NEDD9: variants seen among roughly 807,000 people sequenced by gnomAD.
NEDD9 encodes the protein neural precursor cell expressed, developmentally down-regulated 9.
NEDD9 carries 26 observed loss-of-function variants against 76.6 expected under a neutral mutation model. The observed-to-expected ratio is 0.34, with a 90% CI of 0.25 to 0.47. NEDD9 has a LOEUF of 0.47. NEDD9 is among the 20% of genes least tolerant of loss of function. The pLI is 1.00. For synonymous variants in NEDD9, 392 were observed against 414.2 expected (o/e 0.95, Z 0.65); for missense variants, 937 against 1,058.5 (o/e 0.89, Z 1.59).
chr6:11,213,600 GAGCAC>G lies in NEDD9; in HGVS notation c.135_139del (p.Cys46IlefsTer105). ...GACAATGCCTTGCCGACCGTGTAAT[GAGCAC>G]AGCCACCATCCTTCCAGTCCCCCTG... On this transcript the variant is annotated frameshift_variant, in exon 2 of 7. Transcript: ENST00000379446. LOFTEE classifies it high-confidence loss of function. The surrounding 1 kb of genome is among the most constrained non-coding windows in gnomAD (Gnocchi z 5.4). The G allele has an allele frequency of 6.2e-7, 1 of 1,614,154 alleles. No homozygotes were observed. Among genetic ancestry groups the G allele is most frequent in the Non-Finnish European group, 8.5e-7 (1 of 1,180,018 alleles).
intron 3 of NEDD9, among the ~76,000 whole-genome samples, chr6:11,270,497 C>A (rs925071008): frequency 1.3e-5 from 2 of 151,930 alleles, no homozygotes; most frequent in African/African-American, 4.8e-5. Context: ...AACAAGCAGA[C>A]ACTTTTATGA....
At chr6:11,219,562 C>G (rs1320509520) in intron 1 of NEDD9, among the ~76,000 whole-genome samples, 1 of 152,232 alleles carries the variant, frequency 6.6e-6, no homozygotes, top group Non-Finnish European at 1.5e-5. Flanking sequence ...CAAATGCATG[C>G]ATGCAGAGGA....
intron 3 of NEDD9, among the ~76,000 whole-genome samples, chr6:11,292,804 A>T (rs997956299): frequency 6.6e-5 from 10 of 152,260 alleles, no homozygotes; most frequent in Non-Finnish European, 1.0e-4. Context: ...GGGAGGTGCA[A>T]ATGTCCTCAG....
intron 5 of NEDD9, among the ~76,000 whole-genome samples, chr6:11,188,738 G>A (rs1758044533): frequency 6.6e-6 from 1 of 152,136 alleles, no homozygotes; most frequent in African/African-American, 2.4e-5. Flanking sequence ...CAACCAGTAA[G>A]ATGAATGTTC....
chr6:11,299,687 C>T (rs995674534), intron 3 of NEDD9, among the ~76,000 whole-genome samples: 12 of 152,206 alleles, frequency 7.9e-5, no homozygotes, highest in South Asian at 4.1e-4. Flanking sequence ...ATTTGCTGTT[C>T]TGCAGCCTCC....
chr6:11,276,683 C>A lies in NEDD9; in HGVS notation c.12+29309G>T, dbSNP rs77984158. 3.9e-5 allele frequency among the ~76,000 whole-genome samples: 6 copies of A among 152,252 alleles called. 1 individual carries two copies. In the East Asian group the frequency reaches 9.6e-4, roughly 24 times the overall value. On this transcript the variant is annotated intron_variant, in intron 3 of 3. Transcript: ENST00000397378. ...AGGTCCTGGTTCCCTGATTCTGATG[C>A]TTTTGCAGAAGGGCATCTGAGTACC...
intron 3 of NEDD9, among the ~76,000 whole-genome samples, chr6:11,299,673 C>G (rs1335689035): frequency 6.6e-6 from 1 of 152,294 alleles, no homozygotes; most frequent in South Asian, 2.1e-4. Context: ...GATCAGGCAG[C>G]AATATTTGCT....
intron 3 of NEDD9, among the ~76,000 whole-genome samples, chr6:11,275,565 C>CACACACATATATATATATATAT (rs551632582): frequency 4.0e-5 from 6 of 150,184 alleles, no homozygotes; most frequent in Non-Finnish European, 8.9e-5. Context: ...CACACACACA[C>CACACACATATATATATATATAT]ATATATATAT....
chr6:11,236,467 A>G (rs1038307665), upstream of NEDD9, among the ~76,000 whole-genome samples: 4 of 152,256 alleles, frequency 2.6e-5, no homozygotes, highest in South Asian at 6.2e-4. The surrounding 1 kb of genome is among the most constrained non-coding windows in gnomAD (Gnocchi z 5.5). Context: ...TCTGTTGACA[A>G]CTTGGAATGA....
chr6:11,224,354 C>T (rs2281876), intron 1 of NEDD9, among the ~76,000 whole-genome samples: 1,866 of 152,238 alleles, frequency 0.012, 77 homozygotes, highest in East Asian at 0.12. Flanking sequence ...AGGAGGCTGT[C>T]GGGCTGCGTT....
chr6:11,294,005 A>AAG (rs1491401748), intron 3 of NEDD9, among the ~76,000 whole-genome samples: 1 of 18,318 alleles, frequency 5.5e-5, no homozygotes, highest in Non-Finnish European at 1.0e-4. Context: ...TCCATTGTGT[A>AAG]AGTGTGTGTG....
intron 5 of NEDD9, among the ~76,000 whole-genome samples, chr6:11,189,510 T>G (rs904619450): frequency 1.3e-5 from 2 of 152,202 alleles, no homozygotes; most frequent in African/African-American, 4.8e-5. Context: ...GCAAAGGTCT[T>G]CTATTCTTTT....
chr6:11,332,963 C>T (rs546283572), intron 2 of NEDD9, among the ~76,000 whole-genome samples: 1 of 151,636 alleles, frequency 6.6e-6, no homozygotes, highest in African/African-American at 2.4e-5. Context: ...TATGAGGAGT[C>T]CCACGGTTTC....
intron 3 of NEDD9, among the ~76,000 whole-genome samples, chr6:11,291,179 GCAGCACT>G (rs1760753316): frequency 6.6e-6 from 1 of 151,930 alleles, no homozygotes; most frequent in Non-Finnish European, 1.5e-5. Context: ...GCGGTTCACT[GCAGCACT>G]ATCCTCGTGA....
At chr6:11,339,708 G>A (rs1201166528) in intron 1 of NEDD9, among the ~76,000 whole-genome samples, 1 of 152,132 alleles carries the variant, frequency 6.6e-6, no homozygotes, top group African/African-American at 2.4e-5. Context: ...GCCTTCCTGT[G>A]ACCTGTGGGC....
chr6:11,354,503 G>C (rs1159437013), intron 1 of NEDD9, among the ~76,000 whole-genome samples: 1 of 152,218 alleles, frequency 6.6e-6, no homozygotes, highest in East Asian at 1.9e-4. Context: ...ATAGTACCTA[G>C]ATCTCAGCAG....
chr6:11,340,646 C>G (rs1285708519), intron 1 of NEDD9, among the ~76,000 whole-genome samples: 2 of 152,144 alleles, frequency 1.3e-5, no homozygotes, highest in African/African-American at 4.8e-5. Context: ...TCGTGAGCCC[C>G]AAACTCTAGG....
intron 3 of NEDD9, among the ~76,000 whole-genome samples, chr6:11,277,460 G>A (rs1220424438): frequency 6.6e-6 from 1 of 152,170 alleles, no homozygotes; most frequent in Non-Finnish European, 1.5e-5. Context: ...ATGGGGCTCA[G>A]GAATGTGTTT....
intron 3 of NEDD9, chr6:11,305,409 G>A (rs1561824592): frequency 7.9e-6 from 2 of 252,070 alleles, no homozygotes; most frequent in Non-Finnish European, 1.6e-5. Context: ...ACTATGCCAT[G>A]CGATGATGCC....
Sources: gnomAD v4.1 joint callset for allele counts (sites outside exome capture counted in the v4.1 genomes callset) on GRCh38, gnomAD v4.1.1 for gene constraint, Gnocchi (gnomAD v3.1) non-coding constraint, MANE v1.5 for transcripts, NCBI Gene and HGNC (gene_info 2026-07-23, HGNC 2026-07-21) for gene names.